SPTBN1: variants seen among roughly 807,000 people sequenced by gnomAD.
The protein encoded by SPTBN1 is spectrin beta chain, non-erythrocytic 1.
In SPTBN1, 32 loss-of-function variants were observed where a neutral mutation model predicts 266.4. The ratio of observed to expected loss-of-function variants is 0.12; its 90% confidence interval spans 0.09 to 0.16. The LOEUF (loss-of-function observed/expected upper bound fraction) is 0.16, where lower values mean the gene tolerates loss of function less well. Ranked by LOEUF, SPTBN1 falls within the 10% of genes least tolerant of loss-of-function variation. The probability of loss-of-function intolerance (pLI) is 1.00; values close to 1 mark genes in which losing one functional copy is unlikely to be tolerated. For missense variants in SPTBN1, 2,296 were observed against 3,067.1 expected, an observed-to-expected ratio of 0.75 and a Z score of 5.94; for synonymous variants, 1,336 against 1,162.2, an observed-to-expected ratio of 1.15 and a Z score of -3.04.
At chr2:54,508,455 T>G (rs1056437300) in intron 1 of SPTBN1, among the ~76,000 whole-genome samples, 1 of 152,154 alleles carries the variant, frequency 6.6e-6, no homozygotes, top group Non-Finnish European at 1.5e-5. Flanking sequence ...GATGGAACAC[T>G]GAAAAGTGAT....
chr2:54,598,589 T>C (rs1035904293), intron 2 of SPTBN1, among the ~76,000 whole-genome samples: 2 of 152,238 alleles, frequency 1.3e-5, no homozygotes, highest in African/African-American at 4.8e-5. Context: ...AGTTTTCTGC[T>C]GTCTCATGAG....
intron 2 of SPTBN1, among the ~76,000 whole-genome samples, chr2:54,575,846 G>A (rs1343214843): frequency 3.9e-5 from 6 of 152,162 alleles, no homozygotes. Context: ...GAGAGGCTGG[G>A]TCTCAACATG....
In SPTBN1 at chr2:54,664,322, A is replaced by C. The variant is rs1458099662; in HGVS notation, c.6421-131A>C. On this transcript the variant is annotated intron_variant, in intron 32 of 35. Transcript: ENST00000356805. The surrounding 1 kb of genome is among the most constrained non-coding windows in gnomAD (Gnocchi z 5.6). Reference sequence around the variant, plus strand: ...TGTCCAGCTGGCTTTGTGGGTGTGCAATGGTTTTACTGTACTGCCTCGATC... The same window carrying C: ...TGTCCAGCTGGCTTTGTGGGTGTGCCATGGTTTTACTGTACTGCCTCGATC... The C allele has an allele frequency of 3.3e-6, 3 of 901,116 alleles. No individual in the cohort carries two copies. In the Admixed American group the frequency reaches 7.0e-5, roughly 21 times the overall value. The allele number at this position is 901,116 out of a possible 1,614,324, so 55.8% of individuals were successfully genotyped here. A position where few individuals can be genotyped will look rare whatever the true frequency, so the allele number is the denominator to read the frequency against.
chr2:54,617,807 C>T, intron 6 of SPTBN1, 119 bp downstream of exon 6: 3 of 972,022 alleles, frequency 3.1e-6, no homozygotes, highest in Non-Finnish European at 1.6e-6. Flanking sequence ...GTGGAAATTT[C>T]TGCATTCCAT....
intron 2 of SPTBN1, among the ~76,000 whole-genome samples, chr2:54,566,479 C>T (rs1287863610): frequency 2.0e-5 from 3 of 152,096 alleles, no homozygotes; most frequent in African/African-American, 4.8e-5. Context: ...TGAGCCACTG[C>T]GCCTGGCCCC....
intron 2 of SPTBN1, among the ~76,000 whole-genome samples, chr2:54,565,771 A>G (rs1322657155): frequency 6.6e-6 from 1 of 152,254 alleles, no homozygotes; most frequent in African/African-American, 2.4e-5. Context: ...TATGATCTAT[A>G]TGAAGTTTCC....
chr2:54,664,545 C>T lies in SPTBN1; in HGVS notation c.6513C>T (p.Thr2171=), dbSNP rs1470902243. The change falls in exon 33 of 36, where the codon ACC becomes ACT. Residue 2171 remains threonine (T), a synonymous_variant. Coordinates refer to ENST00000356805, the MANE Select transcript of SPTBN1 (RefSeq NM_003128.3). This position sits in a 1 kb window ranked among gnomAD's most constrained non-coding sequence, Gnocchi z 5.6. ...SKESSPIPSP[T]SDRKAKTALP... is the part of the protein sequence containing the mutation. ...AGTCCAGCCCCATCCCCTCCCCGAC[C>T]TCTGATCGTAAAGCCAAGACTGCCC... The T allele has an allele frequency of 6.2e-7, 1 of 1,614,184 alleles. No homozygotes were observed. Among genetic ancestry groups the T allele is most frequent in the Non-Finnish European group, 8.5e-7 (1 of 1,180,036 alleles).
intron 7 of SPTBN1, among the ~76,000 whole-genome samples, chr2:54,619,046 C>G (rs939177057): frequency 1.3e-5 from 2 of 152,082 alleles, no homozygotes; most frequent in African/African-American, 4.8e-5. Flanking sequence ...GTTTGAAGTG[C>G]TGGAGATATA....
At chr2:54,612,050 C>G in intron 3 of SPTBN1, 111 bp from the exon 4 acceptor site, 4 of 1,071,866 alleles carry the variant, frequency 3.7e-6, no homozygotes, top group Non-Finnish European at 5.4e-6. Flanking sequence ...TAATGTTCTG[C>G]TCTGAGCGGG....
intron 18 of SPTBN1, among the ~76,000 whole-genome samples, chr2:54,641,277 C>T (rs1416446005): frequency 6.6e-6 from 1 of 151,408 alleles, no homozygotes; most frequent in East Asian, 1.9e-4. Flanking sequence ...TTATAAGCCT[C>T]TGATTTTTAT....
chr2:54,595,799 C>G (rs1025836626), intron 2 of SPTBN1, among the ~76,000 whole-genome samples: 5 of 152,186 alleles, frequency 3.3e-5, no homozygotes, highest in African/African-American at 4.8e-5. Context: ...TGGGAGCCAT[C>G]CTGTGTACCG....
At chr2:54,585,297 T>C (rs1230741448) in intron 2 of SPTBN1, among the ~76,000 whole-genome samples, 1 of 152,194 alleles carries the variant, frequency 6.6e-6, no homozygotes, top group Admixed American at 6.5e-5. Flanking sequence ...TACTCTTGTG[T>C]TCTATGAACT....
intron 3 of SPTBN1, among the ~76,000 whole-genome samples, chr2:54,610,600 T>G (rs1291588124): frequency 6.6e-6 from 1 of 152,178 alleles, no homozygotes; most frequent in East Asian, 1.9e-4. Flanking sequence ...AAAAAGATAT[T>G]TCACAAAAAA....
intron 29 of SPTBN1, 77 bp downstream of exon 29, chr2:54,656,075 A>G (rs1238063631): frequency 1.6e-6 from 2 of 1,252,926 alleles, no homozygotes; most frequent in Admixed American, 2.0e-5. Context: ...GCTTTAATTC[A>G]TTAATGTTAT....
chr2:54,659,883 CTCTT>C, intron 31 of SPTBN1, 49 bp from the exon 32 acceptor site: 1 of 1,581,154 alleles, frequency 6.3e-7, no homozygotes, highest in Admixed American at 1.8e-5. Flanking sequence ...TTACTGTTTC[CTCTT>C]TCTCCTCTTC....
intron 1 of SPTBN1, among the ~76,000 whole-genome samples, chr2:54,467,100 T>A (rs1693677097): frequency 6.6e-6 from 1 of 152,108 alleles, no homozygotes; most frequent in African/African-American, 2.4e-5. Flanking sequence ...CCTACAGTAC[T>A]CTTGGGTGGC....
At chr2:54,494,424 G>T (rs536874602) in intron 1 of SPTBN1, among the ~76,000 whole-genome samples, 88 of 151,962 alleles carry the variant, frequency 5.8e-4, no homozygotes, top group African/African-American at 1.9e-3. Context: ...ACACATATTC[G>T]TACAAAAAAA....
intron 2 of SPTBN1, among the ~76,000 whole-genome samples, chr2:54,583,125 T>G (rs1441063676): frequency 6.6e-6 from 1 of 152,018 alleles, no homozygotes; most frequent in Non-Finnish European, 1.5e-5. Flanking sequence ...TTGCCTCTGA[T>G]CTTATTCCTG....
At chr2:54,460,790 C>T (rs2103788246) in intron 1 of SPTBN1, among the ~76,000 whole-genome samples, 1 of 152,296 alleles carries the variant, frequency 6.6e-6, no homozygotes, top group South Asian at 2.1e-4. Context: ...CACTTGAGGT[C>T]AGGAGTTCAA....
Sources: gnomAD v4.1 joint callset for allele counts (sites outside exome capture counted in the v4.1 genomes callset) on GRCh38, gnomAD v4.1.1 for gene constraint, Gnocchi (gnomAD v3.1) non-coding constraint, MANE v1.5 for transcripts, NCBI Gene and HGNC (gene_info 2026-07-23, HGNC 2026-07-21) for gene names.